The following PARVB variants were observed in gnomAD, a reference collection of about 807,000 sequenced individuals.
PARVB encodes the protein beta-parvin.
PARVB carries 46 observed loss-of-function variants against 47.0 expected under a neutral mutation model. The ratio of observed to expected loss-of-function variants is 0.98; its 90% CI spans 0.77 to 1.25. The LOEUF (loss-of-function observed/expected upper bound fraction) is 1.25. Ranked by LOEUF, PARVB falls within the 50% of genes most tolerant of loss-of-function variation. The pLI is 0.00. For synonymous variants in PARVB, 196 were observed against 196.3 expected, an observed-to-expected ratio of 1.00 and a Z score of 0.01; for missense variants, 473 against 471.6, an observed-to-expected ratio of 1.00 and a Z score of -0.03.
At chr22:44,099,232 G>A (rs989324083) in intron 2 of PARVB, among the ~76,000 whole-genome samples, 1 of 152,240 alleles carries the variant, frequency 6.6e-6, no homozygotes, top group Non-Finnish European at 1.5e-5. Context: ...GCTGGACAGT[G>A]TGGCAGCCTG....
intron 1 of PARVB, among the ~76,000 whole-genome samples, chr22:44,074,027 G>A (rs1458460806): frequency 2.6e-5 from 4 of 152,244 alleles, no homozygotes; most frequent in African/African-American, 9.6e-5. Flanking sequence ...GGATGCTGAC[G>A]AGGACCCTTC....
rs550420183 is a variant in PARVB, at chr22:44,073,231, T to C, written c.113-20697T>C. On this transcript the variant is annotated intron_variant, in intron 1 of 12. Transcript: ENST00000338758. ...TGGGCTGGGCACAATGGCTCACACCTATAATGCTAGCACTTTGGGAGGCTG... is the reference window on the plus strand; with the variant it reads ...TGGGCTGGGCACAATGGCTCACACCCATAATGCTAGCACTTTGGGAGGCTG... Among the ~76,000 whole-genome samples the C allele has an allele frequency of 1.3e-3, 203 of 152,354 alleles. 6 individuals are homozygous for C. In the South Asian group the frequency reaches 0.04, roughly 30 times the overall value.
At chr22:44,090,750 C>T (rs1377207436) in intron 1 of PARVB, among the ~76,000 whole-genome samples, 3 of 152,248 alleles carry the variant, frequency 2.0e-5, no homozygotes, top group Admixed American at 6.5e-5. Context: ...CTGCCATCAG[C>T]GTGAGCACTG....
intron 2 of PARVB, chr22:44,010,353 AG>A (rs763731280): frequency 2.6e-5 from 4 of 152,210 alleles, no homozygotes; most frequent in Non-Finnish European, 4.4e-5. Flanking sequence ...TTCCCCTGCC[AG>A]GGTGTCTCAT....
At chr22:44,081,793 CCT>C (rs2147005455) in intron 1 of PARVB, among the ~76,000 whole-genome samples, 2 of 152,230 alleles carry the variant, frequency 1.3e-5, no homozygotes, top group East Asian at 3.9e-4. Flanking sequence ...AGGTTGGCAT[CCT>C]CTTCTGAGAA....
intron 1 of PARVB, among the ~76,000 whole-genome samples, chr22:44,052,027 G>A (rs2051218955): frequency 6.6e-6 from 1 of 152,216 alleles, no homozygotes; most frequent in South Asian, 2.1e-4. Flanking sequence ...GCACGGCTCT[G>A]CCGACACCTT....
intron 1 of PARVB, among the ~76,000 whole-genome samples, chr22:44,077,397 C>T (rs1053150105): frequency 2.6e-5 from 4 of 152,142 alleles, no homozygotes; most frequent in African/African-American, 4.8e-5. Context: ...CCCTAATGAC[C>T]GAATCTGCAA....
At chr22:44,101,281 C>T (rs902269153) in intron 3 of PARVB, among the ~76,000 whole-genome samples, 3 of 151,824 alleles carry the variant, frequency 2.0e-5, no homozygotes, top group Admixed American at 2.0e-4. Context: ...AGGTGGCGGG[C>T]ACCTGTAGTC....
At chr22:44,158,627 G>C in intron 11 of PARVB, among the ~76,000 whole-genome samples, 1 of 152,176 alleles carries the variant, frequency 6.6e-6, no homozygotes, top group East Asian at 1.9e-4. Context: ...TTCTCAAATA[G>C]GGTCAAATTT....
At chr22:44,022,700 C>T (rs2050664377), upstream of PARVB, among the ~76,000 whole-genome samples, 1 of 152,030 alleles carries the variant, frequency 6.6e-6, no homozygotes, top group Non-Finnish European at 1.5e-5. Flanking sequence ...CATGGCCTGG[C>T]AGGACACCCA....
At chr22:44,026,459 C>G (rs1350937827) in intron 1 of PARVB, 1 of 520,390 alleles carries the variant, frequency 1.9e-6, no homozygotes, top group Non-Finnish European at 2.5e-6. Context: ...GATCTAGGCA[C>G]AGGAATTGAG....
intron 1 of PARVB, among the ~76,000 whole-genome samples, chr22:44,058,655 A>G (rs2051360769): frequency 6.7e-6 from 1 of 150,310 alleles, no homozygotes; most frequent in African/African-American, 2.5e-5. Flanking sequence ...CCCGAGTTCA[A>G]GCGACTCTCC....
chr22:44,014,713 A>C (rs1420632234), intron 2 of PARVB, among the ~76,000 whole-genome samples: 1 of 152,200 alleles, frequency 6.6e-6, no homozygotes, highest in Middle Eastern at 3.2e-3. Flanking sequence ...AGGAAGGAGG[A>C]AAGTTTTTCC....
chr22:44,087,272 G>A (rs1265549344), intron 1 of PARVB, among the ~76,000 whole-genome samples: 2 of 152,182 alleles, frequency 1.3e-5, no homozygotes, highest in African/African-American at 2.4e-5. Flanking sequence ...GGAATTGCAC[G>A]GATGGTGTAG....
intron 11 of PARVB, among the ~76,000 whole-genome samples, chr22:44,159,486 G>A (rs938433975): frequency 1.3e-5 from 2 of 152,174 alleles, no homozygotes; most frequent in East Asian, 3.9e-4. Flanking sequence ...CTGAATCGGA[G>A]CGAGGAAGGG....
chr22:44,128,558 G>T (rs576291711), intron 4 of PARVB, among the ~76,000 whole-genome samples: 1 of 152,346 alleles, frequency 6.6e-6, no homozygotes, highest in African/African-American at 2.4e-5. Context: ...AGTCTCTTTG[G>T]TCTCTGTTGC....
rs190087163 is a variant in PARVB, at chr22:44,126,035, C to T, written c.377-5452C>T. On this transcript the variant is annotated intron_variant, in intron 4 of 12. Coordinates refer to ENST00000338758, the MANE Select transcript of PARVB (RefSeq NM_013327.5). ...GGAGTAGGGTGGGAGGTTGGGAAGG[C>T]GGGGGTCTGTGTTGTACATGCTGGG... Among the ~76,000 whole-genome samples, 281 of 152,106 alleles carry T rather than the reference C, an allele frequency of 1.8e-3. 2 individuals carry two copies. Among genetic ancestry groups the T allele is most frequent in the African/African-American group, 5.6e-3 (233 of 41,494 alleles).
intron 2 of PARVB, among the ~76,000 whole-genome samples, chr22:44,006,280 A>G (rs907978062): frequency 7.3e-5 from 10 of 137,878 alleles, no homozygotes; most frequent in East Asian, 2.4e-4. Context: ...TGTATATCCT[A>G]GCATCTTACG....
At chr22:44,007,623 G>A (rs2050479541) in intron 2 of PARVB, among the ~76,000 whole-genome samples, 1 of 152,112 alleles carries the variant, frequency 6.6e-6, no homozygotes, top group South Asian at 2.1e-4. Context: ...ATTACCTTTA[G>A]TTTTAGGCCC....
Sources: gnomAD v4.1 joint callset for allele counts (sites outside exome capture counted in the v4.1 genomes callset) on GRCh38, gnomAD v4.1.1 for gene constraint, MANE v1.5 for transcripts, NCBI Gene and HGNC (gene_info 2026-07-23, HGNC 2026-07-21) for gene names.